FILIP1L: variants seen among roughly 807,000 people sequenced by gnomAD.
FILIP1L encodes the protein filamin A interacting protein 1 like.
A neutral mutation model predicts 96.6 loss-of-function variants in FILIP1L; 55 were observed. That is an observed-to-expected ratio of 0.57 (90% CI 0.46 to 0.71). The LOEUF is 0.71. FILIP1L is among the 30% of genes least tolerant of loss of function. The pLI is 0.00. For missense variants in FILIP1L, 1,304 were observed against 1,321.2 expected, an observed-to-expected ratio of 0.99 and a Z score of 0.20; for synonymous variants, 467 against 473.9, an observed-to-expected ratio of 0.99 and a Z score of 0.19.
At chr3:99,890,785 T>A (rs369278540) in intron 4 of FILIP1L, among the ~76,000 whole-genome samples, 2 of 152,114 alleles carry the variant, frequency 1.3e-5, no homozygotes, top group African/African-American at 2.4e-5. Context: ...TATTTAAATA[T>A]CTGAGGTCTT....
chr3:99,946,469 G>A (rs555833263), intron 1 of FILIP1L, among the ~76,000 whole-genome samples: 66 of 152,270 alleles, frequency 4.3e-4, no homozygotes, highest in African/African-American at 1.5e-3. Flanking sequence ...TGAACCTTTT[G>A]GTAGTGTTTT....
intron 3 of FILIP1L, among the ~76,000 whole-genome samples, chr3:99,926,807 G>GT (rs1707306316): frequency 6.6e-6 from 1 of 152,102 alleles, no homozygotes; most frequent in South Asian, 2.1e-4. Context: ...GCTTTCCATT[G>GT]TTTTTTTCCC....
chr3:99,836,876 A>C (rs1313685199), intron 5 of FILIP1L, among the ~76,000 whole-genome samples: 1 of 152,194 alleles, frequency 6.6e-6, no homozygotes, highest in Admixed American at 6.5e-5. Flanking sequence ...ATAAACTTGT[A>C]CTCGCAGAAA....
At chr3:100,031,712 C>T (rs1269272489) in intron 1 of FILIP1L, among the ~76,000 whole-genome samples, 2 of 151,982 alleles carry the variant, frequency 1.3e-5, no homozygotes, top group African/African-American at 4.8e-5. Context: ...GACAAGAAGG[C>T]AAAGACAGGG....
chr3:99,944,357 T>A (rs1423303842), intron 1 of FILIP1L, among the ~76,000 whole-genome samples: 1 of 152,204 alleles, frequency 6.6e-6, no homozygotes, highest in Non-Finnish European at 1.5e-5. Context: ...CCAAGCTGGC[T>A]ACAGCTGTTC....
intron 1 of FILIP1L, among the ~76,000 whole-genome samples, chr3:100,066,421 A>G (rs552752190): frequency 6.6e-6 from 1 of 150,484 alleles, no homozygotes; most frequent in Non-Finnish European, 1.5e-5. Context: ...GTCATTTGCC[A>G]TGTGGTGATC....
intron 1 of FILIP1L, among the ~76,000 whole-genome samples, chr3:99,946,539 A>G (rs1457464813): frequency 2.0e-5 from 3 of 152,258 alleles, no homozygotes; most frequent in Non-Finnish European, 4.4e-5. Context: ...CTGCAGCTAA[A>G]GAATGGGCTG....
intron 5 of FILIP1L, among the ~76,000 whole-genome samples, chr3:99,846,108 A>G (rs1943353115): frequency 6.6e-6 from 1 of 152,172 alleles, no homozygotes; most frequent in African/African-American, 2.4e-5. Flanking sequence ...TTGGCTCCCA[A>G]ACTCTATTAG....
chr3:99,897,223 G>A (rs2107621482), intron 4 of FILIP1L, among the ~76,000 whole-genome samples: 1 of 152,206 alleles, frequency 6.6e-6, no homozygotes, highest in African/African-American at 2.4e-5. Flanking sequence ...ACCGGGTGTT[G>A]TGGTGCACAC....
At chr3:99,845,289 A>G (rs1369417674) in intron 5 of FILIP1L, among the ~76,000 whole-genome samples, 1 of 152,208 alleles carries the variant, frequency 6.6e-6, no homozygotes, top group Non-Finnish European at 1.5e-5. Context: ...TAGAAAAAAC[A>G]TGATAAAATC....
intron 1 of FILIP1L, among the ~76,000 whole-genome samples, chr3:100,000,131 C>T (rs1446744441): frequency 1.3e-5 from 2 of 152,128 alleles, no homozygotes; most frequent in Non-Finnish European, 2.9e-5. Flanking sequence ...GAGTCAAGAC[C>T]AGAACACTTT....
chr3:99,935,586 C>G (rs978302643), intron 1 of FILIP1L, among the ~76,000 whole-genome samples: 2 of 152,192 alleles, frequency 1.3e-5, no homozygotes. Flanking sequence ...GAACAAGGAC[C>G]AAGGATTGTT....
chr3:99,891,344 C>T (rs1258872023), intron 4 of FILIP1L, among the ~76,000 whole-genome samples: 1 of 152,120 alleles, frequency 6.6e-6, no homozygotes, highest in Non-Finnish European at 1.5e-5. Context: ...ACTCTGTCTA[C>T]ATGCCCTATG....
At chr3:99,887,846 C>T (rs1317437307) in intron 4 of FILIP1L, among the ~76,000 whole-genome samples, 1 of 151,996 alleles carries the variant, frequency 6.6e-6, no homozygotes, top group Non-Finnish European at 1.5e-5. Context: ...TTCATACTCC[C>T]TACTCCCACC....
chr3:100,002,739 G>C (rs1469832082), intron 1 of FILIP1L, among the ~76,000 whole-genome samples: 1 of 152,174 alleles, frequency 6.6e-6, no homozygotes, highest in Non-Finnish European at 1.5e-5. Flanking sequence ...GGAGTGACTT[G>C]TCCAAAATGA....
At chr3:99,895,097 G>T (rs998166328) in intron 4 of FILIP1L, among the ~76,000 whole-genome samples, 1 of 152,170 alleles carries the variant, frequency 6.6e-6, no homozygotes, top group African/African-American at 2.4e-5. Flanking sequence ...TTCGAACAGG[G>T]TGTAGGCTGG....
chr3:99,912,417 C>T (rs1368997946), intron 4 of FILIP1L, among the ~76,000 whole-genome samples: 1 of 152,128 alleles, frequency 6.6e-6, no homozygotes, highest in Non-Finnish European at 1.5e-5. Context: ...TGCTTTGTTT[C>T]CCAGGCTGGA....
chr3:99,985,690 G>A (rs538811615), intron 1 of FILIP1L, among the ~76,000 whole-genome samples: 2 of 151,916 alleles, frequency 1.3e-5, no homozygotes, highest in Admixed American at 6.6e-5. Flanking sequence ...CTGGGTTCAA[G>A]CAATTCTCCT....
intron 1 of FILIP1L, among the ~76,000 whole-genome samples, chr3:100,076,671 G>T (rs759093304): frequency 2.6e-5 from 4 of 152,134 alleles, no homozygotes; most frequent in African/African-American, 9.7e-5. Context: ...TCATTTTTCT[G>T]ATCTCCAGGG....
Sources: allele counts gnomAD v4.1 joint callset (sites outside exome capture counted in the v4.1 genomes callset), GRCh38; gene constraint gnomAD v4.1.1; transcripts MANE v1.5; gene names NCBI Gene and HGNC (gene_info 2026-07-23, HGNC 2026-07-21).